The following CHL1 variants were observed in gnomAD, a reference collection of about 807,000 sequenced individuals.
The protein encoded by CHL1 is neural cell adhesion molecule L1-like protein.
Under a neutral mutation model 141.9 loss-of-function variants are expected in CHL1, and 96 were observed. That is an observed-to-expected ratio of 0.68 (90% confidence interval 0.57 to 0.80). CHL1 has a LOEUF of 0.80. Ranked by LOEUF, CHL1 falls within the 30% of genes least tolerant of loss-of-function variation. The pLI, the probability that CHL1 is intolerant of heterozygous loss-of-function variation, is 0.00. For synonymous variants in CHL1, 613 were observed against 502.2 expected (o/e 1.22, Z -2.95); for missense variants, 1,820 against 1,457.2 (o/e 1.25, Z -4.05).
chr3:319,326 C>A (rs1207833927), intron 2 of CHL1, among the ~76,000 whole-genome samples: 1 of 151,088 alleles, frequency 6.6e-6, no homozygotes, highest in Non-Finnish European at 1.5e-5. Context: ...CAGTGGCACT[C>A]AATTTACCTA....
chr3:208,565 T>G (rs960981859), intron 1 of CHL1, among the ~76,000 whole-genome samples: 1 of 152,216 alleles, frequency 6.6e-6, no homozygotes, highest in Non-Finnish European at 1.5e-5. Context: ...AAGGCTTGGT[T>G]CTAGGCCTTT....
At chr3:261,482 G>A (rs1694715198) in intron 2 of CHL1, among the ~76,000 whole-genome samples, 1 of 152,162 alleles carries the variant, frequency 6.6e-6, no homozygotes, top group African/African-American at 2.4e-5. Context: ...GCATTGGGCT[G>A]AGGTTAAGAA....
chr3:242,413 G>C (rs192105112), intron 1 of CHL1, among the ~76,000 whole-genome samples: 1 of 137,626 alleles, frequency 7.3e-6, no homozygotes, highest in Admixed American at 7.5e-5. Flanking sequence ...TGGCTAACAC[G>C]GTGAAACCCC....
At chr3:399,278 C>A in intron 26 of CHL1, 130 bp downstream of exon 26, 1 of 673,890 alleles carries the variant, frequency 1.5e-6, no homozygotes, top group Non-Finnish European at 2.6e-6. Context: ...ATGTACAATG[C>A]ACTGACAGGA....
chr3:260,221 G>A (rs1694578578), intron 2 of CHL1, among the ~76,000 whole-genome samples: 1 of 152,042 alleles, frequency 6.6e-6, no homozygotes, highest in Non-Finnish European at 1.5e-5. Flanking sequence ...TCGAGATGGT[G>A]CCACTGCACT....
chr3:288,894 A>G (rs1340613477), intron 2 of CHL1, among the ~76,000 whole-genome samples: 1 of 152,200 alleles, frequency 6.6e-6, no homozygotes, highest in Non-Finnish European at 1.5e-5. Flanking sequence ...TTATCTATTT[A>G]GTGTTATTAG....
intron 5 of CHL1, among the ~76,000 whole-genome samples, chr3:335,163 G>A (rs1010437258): frequency 7.9e-5 from 12 of 152,318 alleles, no homozygotes; most frequent in African/African-American, 2.9e-4. Flanking sequence ...TGGAGGGGGA[G>A]TGTAGGAAAC....
intron 1 of CHL1, 35 bp from the exon 2 acceptor site, chr3:244,578 G>T (rs1021880695): frequency 6.6e-6 from 1 of 152,178 alleles, no homozygotes; most frequent in African/African-American, 2.4e-5. Context: ...AATGATAATT[G>T]TTTCCAAAAT....
At chr3:243,694 T>C (rs915308404) in intron 1 of CHL1, among the ~76,000 whole-genome samples, 2 of 152,118 alleles carry the variant, frequency 1.3e-5, no homozygotes, top group Non-Finnish European at 2.9e-5. Context: ...ATACACAGAG[T>C]GGAAATGAGC....
intron 2 of CHL1, among the ~76,000 whole-genome samples, chr3:258,492 C>T (rs533198015): frequency 6.6e-6 from 1 of 152,208 alleles, no homozygotes; most frequent in South Asian, 2.1e-4. Flanking sequence ...CCCCAGTTCT[C>T]CCCTGTGGAA....
chr3:281,113 T>C (rs943645103), intron 2 of CHL1, among the ~76,000 whole-genome samples: 3 of 152,198 alleles, frequency 2.0e-5, no homozygotes, highest in African/African-American at 7.2e-5. Context: ...CCAGTGATTC[T>C]CCTAAATTCT....
At chr3:342,530 G>T (rs113775835) in intron 7 of CHL1, among the ~76,000 whole-genome samples, 43 of 152,262 alleles carry the variant, frequency 2.8e-4, no homozygotes, top group African/African-American at 1.0e-3. Context: ...TTCTGTGGAG[G>T]CCAGCCTGGG....
At chr3:209,153 A>G (rs1330167169) in intron 1 of CHL1, among the ~76,000 whole-genome samples, 1 of 152,240 alleles carries the variant, frequency 6.6e-6, no homozygotes, top group African/African-American at 2.4e-5. Flanking sequence ...AAAATTCACT[A>G]AAATGTAAAC....
intron 1 of CHL1, among the ~76,000 whole-genome samples, chr3:210,873 C>A (rs981615591): frequency 1.1e-4 from 17 of 152,262 alleles, no homozygotes; most frequent in African/African-American, 3.6e-4. Flanking sequence ...TGAGAGTGAA[C>A]TTTGGCAAGG....
At chr3:282,258 T>G (rs1278488986) in intron 2 of CHL1, among the ~76,000 whole-genome samples, 2 of 152,240 alleles carry the variant, frequency 1.3e-5, no homozygotes, top group Non-Finnish European at 2.9e-5. Flanking sequence ...TGCTCTAATA[T>G]GTACCTGTTA....
At chr3:376,296 A>G (rs3773381) in intron 15 of CHL1, 141,105 of 468,490 alleles carry the variant, frequency 0.3, 22,442 homozygotes, top group East Asian at 0.41. Flanking sequence ...TGTGACAACT[A>G]TTTGTGATTT....
At chr3:368,242 C>A (rs571146020) in intron 15 of CHL1, among the ~76,000 whole-genome samples, 65 of 152,312 alleles carry the variant, frequency 4.3e-4, no homozygotes, top group African/African-American at 1.6e-3. Flanking sequence ...TTTTTCTCTG[C>A]AGCCTCACCA....
At chr3:292,234 C>A (rs1420541467) in intron 2 of CHL1, among the ~76,000 whole-genome samples, 3 of 152,172 alleles carry the variant, frequency 2.0e-5, no homozygotes, top group Non-Finnish European at 4.4e-5. Context: ...TAAGTCAAAA[C>A]TGCCAAAGGC....
At chr3:393,250 G>T (rs933522374) in intron 23 of CHL1, among the ~76,000 whole-genome samples, 3 of 74,490 alleles carry the variant, frequency 4.0e-5, no homozygotes, top group East Asian at 5.4e-4. Context: ...AAAAAAAAGT[G>T]TTAAGAATGC....
Sources: gnomAD v4.1 joint callset for allele counts (sites outside exome capture counted in the v4.1 genomes callset) on GRCh38, gnomAD v4.1.1 for gene constraint, MANE v1.5 for transcripts, NCBI Gene and HGNC (gene_info 2026-07-23, HGNC 2026-07-21) for gene names.